MAGI3: variants seen among roughly 807,000 people sequenced by gnomAD.
MAGI3 encodes the protein membrane-associated guanylate kinase, WW and PDZ domain-containing protein 3.
MAGI3 carries 43 observed loss-of-function variants against 121.8 expected under a neutral mutation model. The observed-to-expected ratio is 0.35, with a 90% CI of 0.28 to 0.46. The LOEUF is 0.46. Ranked by LOEUF, MAGI3 falls within the 20% of genes least tolerant of loss-of-function variation. The pLI, the probability that MAGI3 is intolerant of heterozygous loss-of-function variation, is 1.00. For missense variants in MAGI3, 1,547 were observed against 1,797.3 expected (o/e 0.86, Z 2.52); for synonymous variants, 553 against 639.3 (o/e 0.86, Z 2.04).
chr1:113,429,367 G>A (rs1056673114), intron 1 of MAGI3, among the ~76,000 whole-genome samples: 1 of 152,230 alleles, frequency 6.6e-6, no homozygotes. Context: ...ATGAAGCAAC[G>A]AAAGCATGTA....
chr1:113,487,588 A>G (rs1359717133), intron 1 of MAGI3, among the ~76,000 whole-genome samples: 1 of 152,144 alleles, frequency 6.6e-6, no homozygotes. Flanking sequence ...ATTAACCAAA[A>G]ATAGGGAAAT....
intron 1 of MAGI3, among the ~76,000 whole-genome samples, chr1:113,424,790 G>A (rs1310056628): frequency 1.3e-5 from 2 of 152,168 alleles, no homozygotes; most frequent in Non-Finnish European, 2.9e-5. Context: ...TGGCTCATGA[G>A]TTGGGAAACG....
Position 113,391,042 on chromosome 1 carries a change from G to GA in MAGI3, c.10dup (p.Thr4AsnfsTer107). 6.3e-7 allele frequency: 1 copy of GA among 1,585,604 alleles called. No individual in the cohort carries two copies. The highest frequency in any genetic ancestry group is 8.6e-7 in the Non-Finnish European group (1 of 1,167,352). On this transcript the variant is annotated frameshift_variant, in exon 1 of 21. Coordinates refer to ENST00000307546, the MANE Select transcript of MAGI3 (RefSeq NM_001142782.2). LOFTEE classifies it high-confidence loss of function. This position sits in a 1 kb window ranked among gnomAD's most constrained non-coding sequence, Gnocchi z 4.4. ...GTGCAGCGGGGTTCGGGATGTCGAA[G>GA]ACGCTGAAGAAGAAGAAGCACTGGC... is the stretch of plus-strand genomic sequence containing the variant.
At chr1:113,479,595 T>C (rs999423672) in intron 1 of MAGI3, among the ~76,000 whole-genome samples, 1 of 152,258 alleles carries the variant, frequency 6.6e-6, no homozygotes, top group African/African-American at 2.4e-5. Context: ...ATTATTAATC[T>C]ATTTCAGGTT....
intron 15 of MAGI3, among the ~76,000 whole-genome samples, chr1:113,655,878 G>C (rs145041432): frequency 2.0e-4 from 31 of 152,228 alleles, no homozygotes; most frequent in South Asian, 6.2e-4. Flanking sequence ...AGCTGCTGTT[G>C]CTTGTTGTAA....
intron 1 of MAGI3, among the ~76,000 whole-genome samples, chr1:113,544,452 G>C (rs1288372745): frequency 1.3e-5 from 2 of 152,206 alleles, no homozygotes; most frequent in Non-Finnish European, 2.9e-5. Flanking sequence ...ATATTTGCAA[G>C]ATTATAGCAT....
chr1:113,477,322 C>T (rs1223244966), intron 1 of MAGI3, among the ~76,000 whole-genome samples: 4 of 152,122 alleles, frequency 2.6e-5, no homozygotes, highest in Admixed American at 6.6e-5. Context: ...TTTATAGCAT[C>T]GATGGTCTTT....
At chr1:113,560,870 GATTA>G (rs1237827063) in intron 2 of MAGI3, among the ~76,000 whole-genome samples, 9 of 151,978 alleles carry the variant, frequency 5.9e-5, no homozygotes, top group Non-Finnish European at 1.0e-4. Flanking sequence ...CTTCAAGCTA[GATTA>G]ATAAACAAGA....
intron 1 of MAGI3, among the ~76,000 whole-genome samples, chr1:113,408,485 A>C (rs12023641): frequency 0.15 from 23,215 of 152,158 alleles, 2,822 homozygotes; most frequent in East Asian, 0.63. Flanking sequence ...TCCAACCTGG[A>C]AGTTAATGAC....
At chr1:113,457,791 G>A (rs1373216653) in intron 1 of MAGI3, among the ~76,000 whole-genome samples, 1 of 152,146 alleles carries the variant, frequency 6.6e-6, no homozygotes, top group East Asian at 1.9e-4. Flanking sequence ...ATACTGTATG[G>A]CAAGAGCTTT....
At position 113,682,939 on chromosome 1, in the gene MAGI3, A is replaced by G; in HGVS notation, c.3371A>G (p.Tyr1124Cys). Residue 1124 changes from tyrosine to cysteine, a missense_variant, in exon 21 of 21, where the codon TAT (tyrosine) becomes TGT (cysteine). Transcript: ENST00000307546. ...INNPSSSNVIYDEQSPLPPSS... is the reference protein window; with the variant it reads ...INNPSSSNVICDEQSPLPPSS... ...AATCCTTCGTCTTCAAATGTGATTT[A>G]TGATGAACAGTCACCATTACCCCCA... is the stretch of plus-strand genomic sequence containing the variant. 1 of 1,604,046 alleles carries G rather than the reference A, an allele frequency of 6.2e-7. No individual in the cohort carries two copies. The highest frequency in any genetic ancestry group is 8.5e-7 in the Non-Finnish European group (1 of 1,177,388).
chr1:113,682,787 AG>A (rs1467151545), intron 20 of MAGI3, 109 bp from the exon 21 acceptor site: 1 of 1,445,044 alleles, frequency 6.9e-7, no homozygotes, highest in Non-Finnish European at 9.1e-7. Flanking sequence ...TAAAATACTC[AG>A]GCTTTTTAAG....
At chr1:113,680,740 G>A (rs1416187773) in intron 19 of MAGI3, among the ~76,000 whole-genome samples, 1 of 152,084 alleles carries the variant, frequency 6.6e-6, no homozygotes, top group African/African-American at 2.4e-5. Context: ...CTGGGCGACA[G>A]AGCAAGACTC....
rs748803635 is a variant in MAGI3 at position 113,391,014 on chromosome 1, A to G, written c.-20A>G. ...CGGCCGCCCGCGCGGGGTCTCCCCCATGGTGCAGCGGGGTTCGGGATGTCG... is the reference window on the plus strand; with the variant it reads ...CGGCCGCCCGCGCGGGGTCTCCCCCGTGGTGCAGCGGGGTTCGGGATGTCG... On this transcript the variant is annotated 5_prime_UTR_variant, in exon 1 of 21. It removes an upstream start codon present in the reference 5' UTR. Transcript: ENST00000307546. The surrounding 1 kb of genome is among the most constrained non-coding windows in gnomAD (Gnocchi z 4.4). 3 of 1,553,486 alleles carry G rather than the reference A, an allele frequency of 1.9e-6. No individual in the cohort carries two copies. Among genetic ancestry groups the G allele is most frequent in the East Asian group, 2.5e-5 (1 of 40,264 alleles).
At chr1:113,565,056 G>A (rs961873770) in intron 2 of MAGI3, among the ~76,000 whole-genome samples, 1 of 151,412 alleles carries the variant, frequency 6.6e-6, no homozygotes, top group Non-Finnish European at 1.5e-5. Flanking sequence ...CACCATGTTG[G>A]CCAGGCTGGT....
At chr1:113,447,602 C>G (rs1654241762) in intron 1 of MAGI3, among the ~76,000 whole-genome samples, 1 of 152,030 alleles carries the variant, frequency 6.6e-6, no homozygotes, top group African/African-American at 2.4e-5. Context: ...GCCTATAATC[C>G]CAGCACTTTG....
At chr1:113,546,172 A>G (rs966840761) in intron 1 of MAGI3, among the ~76,000 whole-genome samples, 1 of 152,138 alleles carries the variant, frequency 6.6e-6, no homozygotes, top group Non-Finnish European at 1.5e-5. Flanking sequence ...CATCCAATAT[A>G]TTTTTTAATT....
intron 1 of MAGI3, among the ~76,000 whole-genome samples, chr1:113,431,114 G>T (rs1474586186): frequency 6.6e-6 from 1 of 152,082 alleles, no homozygotes; most frequent in Non-Finnish European, 1.5e-5. Context: ...GTAAAAAGGG[G>T]CTGGGGCCTG....
At chr1:113,565,860 C>T (rs1027458674) in intron 2 of MAGI3, among the ~76,000 whole-genome samples, 3 of 152,216 alleles carry the variant, frequency 2.0e-5, no homozygotes, top group South Asian at 2.1e-4. Flanking sequence ...CTCCCACATG[C>T]TTCTGTCCTG....
Sources: allele counts gnomAD v4.1 joint callset (sites outside exome capture counted in the v4.1 genomes callset), GRCh38; gene constraint gnomAD v4.1.1; non-coding constraint Gnocchi (gnomAD v3.1); transcripts MANE v1.5; gene names NCBI Gene and HGNC (gene_info 2026-07-23, HGNC 2026-07-21).